Variants in CCZ1B observed in about 807,000 individuals in gnomAD.
The protein encoded by CCZ1B is vacuolar fusion protein CCZ1 homolog B.
CCZ1B carries 25 observed loss-of-function variants against 58.8 expected under a neutral mutation model. That is an observed-to-expected ratio of 0.43 (90% CI 0.31 to 0.59). The LOEUF (loss-of-function observed/expected upper bound fraction) is 0.59. Among genes scored for constraint, CCZ1B ranks in the 20% least tolerant of loss-of-function variants. The probability of loss-of-function intolerance (pLI) is 0.12; values close to 1 mark genes in which losing one functional copy is unlikely to be tolerated. For synonymous variants in CCZ1B, 66 were observed against 173.2 expected (o/e 0.38, Z 4.86); for missense variants, 180 against 501.5 (o/e 0.36, Z 6.12).
In CCZ1B at chr7:6,823,512, G is replaced by A. The variant is rs572154754; in HGVS notation, c.391-152C>T. On this transcript the variant is annotated intron_variant, in intron 4 of 14. Transcript: ENST00000316731. ...TTGCGTGCTGAAAAAAAGTGTTTGC[G>A]TTCTTTTTTTTTTTTTTTTTTTTTG... The A allele has an allele frequency of 1.8e-4, 140 of 777,050 alleles. 2 individuals carry two copies. The South Asian group carries it at 3.1e-3, about 17-fold the overall frequency. The allele number at this position is 777,050 out of a possible 1,614,324, so 48.1% of individuals were successfully genotyped here. A position where few individuals can be genotyped will look rare whatever the true frequency, so the allele number is the denominator to read the frequency against.
chr7:6,803,843 G>A (rs1333434174), intron 12 of CCZ1B, among the ~76,000 whole-genome samples: 1 of 151,100 alleles, frequency 6.6e-6, no homozygotes, highest in Non-Finnish European at 1.5e-5. Flanking sequence ...CAGCTACTCA[G>A]GAGGCTGAGG....
intron 12 of CCZ1B, among the ~76,000 whole-genome samples, chr7:6,803,997 G>GCATA (rs1254702677): frequency 6.8e-6 from 1 of 147,754 alleles, no homozygotes; most frequent in African/African-American, 2.5e-5. Flanking sequence ...AAGACCATGA[G>GCATA]CGTATGCAGA....
chr7:6,800,083 G>GA (rs1782733777), intron 14 of CCZ1B, among the ~76,000 whole-genome samples: 1 of 103,452 alleles, frequency 9.7e-6, no homozygotes, highest in African/African-American at 4.0e-5. Context: ...GATACAAGGG[G>GA]AAAAAAACGC....
At chr7:6,809,694 T>C (rs1394009999) in intron 10 of CCZ1B, among the ~76,000 whole-genome samples, 3 of 128,572 alleles carry the variant, frequency 2.3e-5, no homozygotes, top group Non-Finnish European at 4.8e-5. Flanking sequence ...TGCCAGTCTG[T>C]CACAGCCCAA....
intron 10 of CCZ1B, among the ~76,000 whole-genome samples, chr7:6,808,891 T>C (rs1236763899): frequency 1.3e-5 from 2 of 148,530 alleles, no homozygotes; most frequent in East Asian, 3.9e-4. Context: ...CTATCTATAG[T>C]AGAGGCAGGG....
rs770153541 is a variant in CCZ1B at position 6,822,257 on chromosome 7, A to G, written c.522+24T>C. The G allele has an allele frequency of 7.0e-6, 11 of 1,561,884 alleles. No individual in the cohort carries two copies. The South Asian group carries it at 1.2e-4, about 17-fold the overall frequency. ...AACCTGATGAATGCTTAGTAAAGTT[A>G]TAAATGAAATTCAAAATACTTACCC... On this transcript the variant is annotated intron_variant, in intron 6 of 14. Transcript: ENST00000316731.
At chr7:6,804,673 G>A (rs1782811077) in intron 12 of CCZ1B, among the ~76,000 whole-genome samples, 1 of 89,916 alleles carries the variant, frequency 1.1e-5, no homozygotes, top group Admixed American at 1.4e-4. Flanking sequence ...AATCTGGGCT[G>A]GTGAAATGGG....
rs1256224005 is a variant in CCZ1B at position 6,822,590 on chromosome 7, T to C, written c.439-226A>G. On this transcript the variant is annotated intron_variant, in intron 5 of 14. Coordinates refer to ENST00000316731, the MANE Select transcript of CCZ1B (RefSeq NM_198097.5). ...AAACCACCTAATTGCTCTAGGCATC[T>C]TTCAAAAATTTCAACTTACCCTTAA... Among the ~76,000 whole-genome samples, 5 of 149,578 alleles carry C rather than the reference T, an allele frequency of 3.3e-5. 1 individual carries two copies. The highest frequency in any genetic ancestry group is 7.4e-5 in the Non-Finnish European group (5 of 67,680).
chr7:6,820,281 C>G, intron 6 of CCZ1B, among the ~76,000 whole-genome samples: 1 of 149,482 alleles, frequency 6.7e-6, no homozygotes, highest in Admixed American at 6.7e-5. Context: ...CAGGTTCACA[C>G]CATTCTCCTG....
intron 14 of CCZ1B, among the ~76,000 whole-genome samples, chr7:6,800,349 T>C (rs1782742572): frequency 7.7e-6 from 1 of 130,236 alleles, no homozygotes; most frequent in Non-Finnish European, 1.6e-5. Flanking sequence ...GATATGTTTT[T>C]ATCACAGGAT....
chr7:6,810,611 C>G (rs1167231210), intron 10 of CCZ1B, among the ~76,000 whole-genome samples: 1 of 148,180 alleles, frequency 6.7e-6, no homozygotes, highest in Non-Finnish European at 1.5e-5. Flanking sequence ...CACTGCCATG[C>G]CTGGCTAATT....
At chr7:6,820,635 T>C (rs1309068397) in intron 6 of CCZ1B, among the ~76,000 whole-genome samples, 2 of 148,894 alleles carry the variant, frequency 1.3e-5, no homozygotes, top group African/African-American at 5.0e-5. Flanking sequence ...AAGTATTTAA[T>C]TCCTGGCCAG....
At chr7:6,822,912 C>G (rs1467823867) in intron 5 of CCZ1B, among the ~76,000 whole-genome samples, 1 of 146,028 alleles carries the variant, frequency 6.8e-6, no homozygotes, top group Admixed American at 6.9e-5. Flanking sequence ...TGCTATATTG[C>G]CCAGACTGGT....
chr7:6,810,441 A>G (rs1407735769), intron 10 of CCZ1B, among the ~76,000 whole-genome samples: 1 of 148,960 alleles, frequency 6.7e-6, no homozygotes, highest in Non-Finnish European at 1.5e-5. Flanking sequence ...GGTGCTGGAT[A>G]TGAAACTGTT....
chr7:6,805,813 G>A (rs1782827330), intron 11 of CCZ1B, 191 bp downstream of exon 11: 1 of 558,166 alleles, frequency 1.8e-6, no homozygotes, highest in Non-Finnish European at 3.3e-6. Flanking sequence ...AAGGTGGGAA[G>A]ATCACTTGAA....
At chr7:6,822,555 C>T (rs1783128692) in intron 5 of CCZ1B, 191 bp from the exon 6 acceptor site, 1 of 1,133,894 alleles carries the variant, frequency 8.8e-7, no homozygotes, top group Non-Finnish European at 1.2e-6. Context: ...TTAAGTGATG[C>T]TGTTTTATGA....
intron 1 of CCZ1B, among the ~76,000 whole-genome samples, chr7:6,825,595 G>C (rs1783182578): frequency 9.0e-6 from 1 of 111,150 alleles, no homozygotes. Context: ...ACAAAACACA[G>C]CTCCGGACAT....
Position 6,823,606 on chromosome 7 carries a change from C to T in CCZ1B, c.391-246G>A, listed in dbSNP as rs191190643. Among the ~76,000 whole-genome samples, 197 of 140,372 alleles carry T rather than the reference C, an allele frequency of 1.4e-3. 3 individuals are homozygous for T. Among genetic ancestry groups the T allele is most frequent in the African/African-American group, 5.3e-3 (189 of 35,648 alleles). 92.1% of individuals were successfully genotyped at this position (140,372 alleles called of 152,430 possible). On this transcript the variant is annotated intron_variant, in intron 4 of 14. Transcript: ENST00000316731. ...CAATCCTGGCTCACTGCAACATTTG[C>T]GTCCCCGGTTCAAGCGATTCTCCTG... is the stretch of plus-strand genomic sequence containing the variant.
chr7:6,814,291 C>T (rs937033374), intron 8 of CCZ1B, among the ~76,000 whole-genome samples: 1 of 149,394 alleles, frequency 6.7e-6, no homozygotes, highest in African/African-American at 2.5e-5. Flanking sequence ...AATCCTAGCA[C>T]TTTGGGAGGC....
Sources: allele counts gnomAD v4.1 joint callset (sites outside exome capture counted in the v4.1 genomes callset), GRCh38; gene constraint gnomAD v4.1.1; transcripts MANE v1.5; gene names NCBI Gene and HGNC (gene_info 2026-07-23, HGNC 2026-07-21).